UTP6: variants seen among roughly 807,000 people sequenced by gnomAD.
The protein encoded by UTP6 is UTP6 small subunit processome component.
A neutral mutation model predicts 96.5 loss-of-function variants in UTP6; 60 were observed. The ratio of observed to expected loss-of-function variants is 0.62; its 90% CI spans 0.51 to 0.77. The LOEUF (loss-of-function observed/expected upper bound fraction) is 0.77, where lower values mean the gene tolerates loss of function less well. Among genes scored for constraint, UTP6 ranks in the 30% least tolerant of loss-of-function variants. The probability of loss-of-function intolerance (pLI) is 0.00; values close to 1 mark genes in which losing one functional copy is unlikely to be tolerated. For missense variants in UTP6, 637 were observed against 706.5 expected, an observed-to-expected ratio of 0.90 and a Z score of 1.12; for synonymous variants, 215 against 240.1, an observed-to-expected ratio of 0.90 and a Z score of 0.96.
chr17:31,896,669 C>T (rs1904670017), intron 2 of UTP6, among the ~76,000 whole-genome samples: 1 of 146,474 alleles, frequency 6.8e-6, no homozygotes. Flanking sequence ...GAGACAGGGT[C>T]TCTATCACCC....
intron 16 of UTP6, among the ~76,000 whole-genome samples, chr17:31,868,797 TA>T (rs1909990731): frequency 6.6e-6 from 1 of 152,124 alleles, no homozygotes; most frequent in Admixed American, 6.6e-5. Context: ...ATCAAAACAG[TA>T]TTACTGTGGC....
intron 4 of UTP6, among the ~76,000 whole-genome samples, chr17:31,893,256 CA>C (rs989187676): frequency 6.6e-6 from 1 of 151,556 alleles, no homozygotes; most frequent in Non-Finnish European, 1.5e-5. Context: ...AGCTCCAACT[CA>C]AAAAAACAAA....
At position 31,885,975 on chromosome 17, in the gene UTP6, C is replaced by T. The variant is rs756772516; in HGVS notation, c.703+5G>A. ...TACCAAAAATAATGTTCAAAAGATA[C>T]CTACCTTTAATTATGCTTACAGAAT... On this transcript the variant is annotated splice_donor_5th_base_variant and intron_variant, in intron 9 of 18. Coordinates refer to ENST00000261708, the MANE Select transcript of UTP6 (RefSeq NM_018428.3). The T allele has an allele frequency of 6.2e-7, 1 of 1,609,632 alleles. No individual in the cohort carries two copies. Among genetic ancestry groups the T allele is most frequent in the South Asian group, 1.1e-5 (1 of 89,992 alleles).
At chr17:31,864,819 G>A (rs1052339754) in intron 18 of UTP6, among the ~76,000 whole-genome samples, 14 of 151,776 alleles carry the variant, frequency 9.2e-5, no homozygotes, top group Non-Finnish European at 1.6e-4. Context: ...GTAGAGATGG[G>A]GATCTAAATA....
rs954295953 is a variant in UTP6 at position 31,884,293 on chromosome 17, C to T, written c.785+131G>A. The T allele has an allele frequency of 1.1e-5, 8 of 707,496 alleles. No homozygotes were observed. Among genetic ancestry groups the T allele is most frequent in the Middle Eastern group, 4.1e-4 (1 of 2,416 alleles). The allele number at this position is 707,496 out of a possible 1,614,324, so 43.8% of individuals were successfully genotyped here. A position where few individuals can be genotyped will look rare whatever the true frequency, so the allele number is the denominator to read the frequency against. On this transcript the variant is annotated intron_variant, in intron 10 of 18. Transcript: ENST00000261708. The stretch of plus-strand genomic sequence containing the variant: ...GATTACAGGTGTGAGCCACTGCACC[C>T]GGCCAATATTAGCTTTTATTCCAGG...
intron 16 of UTP6, among the ~76,000 whole-genome samples, chr17:31,872,573 G>A (rs1423280363): frequency 3.9e-5 from 6 of 152,154 alleles, no homozygotes; most frequent in African/African-American, 1.2e-4. Context: ...ACATTTGGGA[G>A]GCTGAGGTGG....
intron 13 of UTP6, among the ~76,000 whole-genome samples, chr17:31,877,265 T>C (rs1233593531): frequency 6.6e-6 from 1 of 152,146 alleles, no homozygotes; most frequent in African/African-American, 2.4e-5. Context: ...AAAATGCTTA[T>C]ACCTACATTA....
intron 6 of UTP6, 71 bp from the exon 7 acceptor site, chr17:31,889,474 T>A (rs1911344825): frequency 1.4e-5 from 15 of 1,106,804 alleles, no homozygotes; most frequent in African/African-American, 4.7e-5. Flanking sequence ...AACCAAATGA[T>A]CCAATTTTAA....
rs1042688496 is a variant in UTP6, at chr17:31,861,165, G to A, written c.*2194C>T. The A allele has an allele frequency of 1.3e-5, 2 of 151,866 alleles. No individual in the cohort carries two copies. Among genetic ancestry groups the A allele is most frequent in the East Asian group, 1.9e-4 (1 of 5,180 alleles). The allele number at this position is 151,866 out of a possible 1,614,324, so 9.4% of individuals were successfully genotyped here. On this transcript the variant is annotated 3_prime_UTR_variant, in exon 19 of 19. Transcript: ENST00000261708. ...TGGCAGGGAGAACTGTTTGAACCTA[G>A]GAGGCAGAGGTTGCAGTAAGACCAC...
At chr17:31,882,060 C>G (rs1910875008) in intron 10 of UTP6, among the ~76,000 whole-genome samples, 1 of 151,954 alleles carries the variant, frequency 6.6e-6, no homozygotes, top group African/African-American at 2.4e-5. Context: ...GACAGAGTTT[C>G]TCTCTTGTTG....
At chr17:31,878,188 GCA>G in intron 13 of UTP6, 60 bp downstream of exon 13, 1 of 1,540,410 alleles carries the variant, frequency 6.5e-7, no homozygotes, top group Non-Finnish European at 9.0e-7. Context: ...CATGACTCTG[GCA>G]CAAAACAACT....
At chr17:31,875,106 C>T in intron 14 of UTP6, 128 bp downstream of exon 14, 1 of 1,038,202 alleles carries the variant, frequency 9.6e-7, no homozygotes, top group Non-Finnish European at 1.4e-6. Flanking sequence ...ACCTATGAAC[C>T]ATCACCACTG....
Position 31,901,567 on chromosome 17 carries a change from G to T in UTP6, c.61C>A (p.Arg21Ser). The change falls in exon 1 of 19, where the codon CGC (arginine) becomes AGC (serine). Residue 21 changes from arginine to serine, a missense_variant. Transcript: ENST00000261708. ...TCCGCATGACTGAACAGTCCAATGC[G>T]CTCCAGCTGTTCCAATTCCGGGAGC... is the stretch of plus-strand genomic sequence containing the variant. ...DRLPELEQLE[R>S]IGLFSHAEIK... 1 of 1,613,824 alleles carries T rather than the reference G, an allele frequency of 6.2e-7. No individual in the cohort carries two copies.
intron 2 of UTP6, among the ~76,000 whole-genome samples, chr17:31,896,795 C>A (rs1272529181): frequency 6.6e-6 from 1 of 152,014 alleles, no homozygotes; most frequent in Non-Finnish European, 1.5e-5. Context: ...CACCACCATG[C>A]CCAGCTAATT....
At chr17:31,898,183 T>C (rs1030218758) in intron 2 of UTP6, among the ~76,000 whole-genome samples, 2 of 152,206 alleles carry the variant, frequency 1.3e-5, no homozygotes, top group African/African-American at 4.8e-5. Flanking sequence ...CTCCCAATGC[T>C]ACTCCTGTTC....
At chr17:31,883,434 G>C (rs1439656255) in intron 10 of UTP6, among the ~76,000 whole-genome samples, 1 of 151,136 alleles carries the variant, frequency 6.6e-6, no homozygotes, top group South Asian at 2.1e-4. Flanking sequence ...TCCTGCCTCA[G>C]CCTCCCGAGT....
At chr17:31,898,763 A>G (rs1904802032) in intron 2 of UTP6, among the ~76,000 whole-genome samples, 1 of 151,772 alleles carries the variant, frequency 6.6e-6, no homozygotes, top group Admixed American at 6.6e-5. Flanking sequence ...AGGACCGAGC[A>G]TGATGCCTCA....
At chr17:31,899,753 T>G (rs1904864025) in intron 1 of UTP6, 23 bp from the exon 2 acceptor site, 1 of 1,524,208 alleles carries the variant, frequency 6.6e-7, no homozygotes, top group South Asian at 1.3e-5. Context: ...CCATTTAAAC[T>G]TCACTTGAAA....
intron 16 of UTP6, among the ~76,000 whole-genome samples, chr17:31,871,466 G>A (rs932329008): frequency 2.0e-5 from 3 of 152,078 alleles, no homozygotes; most frequent in African/African-American, 7.2e-5. Context: ...AAGAATTTTT[G>A]GCTGGGCACA....
Sources: gnomAD v4.1 joint callset for allele counts (sites outside exome capture counted in the v4.1 genomes callset) on GRCh38, gnomAD v4.1.1 for gene constraint, MANE v1.5 for transcripts, NCBI Gene and HGNC (gene_info 2026-07-23, HGNC 2026-07-21) for gene names.